TMCC1: variants seen among roughly 807,000 people sequenced by gnomAD.
The protein encoded by TMCC1 is transmembrane and coiled-coil domain family 1.
In TMCC1, 15 loss-of-function variants were observed where a neutral mutation model predicts 52.4. The observed-to-expected ratio is 0.29, with a 90% CI of 0.19 to 0.44. TMCC1 has a LOEUF of 0.44. Ranked by LOEUF, TMCC1 falls within the 20% of genes least tolerant of loss-of-function variation. TMCC1 has a pLI of 1.00. For missense variants in TMCC1, 503 were observed against 806.0 expected, an observed-to-expected ratio of 0.62 and a Z score of 4.55; for synonymous variants, 279 against 301.9, an observed-to-expected ratio of 0.92 and a Z score of 0.79.
At chr3:129,705,640 C>G (rs2048166235) in intron 4 of TMCC1, among the ~76,000 whole-genome samples, 1 of 146,956 alleles carries the variant, frequency 6.8e-6, no homozygotes, top group South Asian at 2.1e-4. Flanking sequence ...GAGTCTTGCT[C>G]CGTCACCCAG....
intron 4 of TMCC1, chr3:129,688,278 C>A: frequency 1.0e-6 from 1 of 970,098 alleles, no homozygotes. Context: ...AAAAAAAAAT[C>A]ACAACCTCTC....
intron 1 of TMCC1, among the ~76,000 whole-genome samples, chr3:129,888,210 T>C (rs765918719): frequency 2.0e-5 from 3 of 152,206 alleles, no homozygotes; most frequent in Non-Finnish European, 4.4e-5. Flanking sequence ...GGAGGTTACA[T>C]ATAAGCAAGG....
intron 1 of TMCC1, among the ~76,000 whole-genome samples, chr3:129,888,690 G>A (rs2061831336): frequency 6.6e-6 from 1 of 152,204 alleles, no homozygotes; most frequent in African/African-American, 2.4e-5. Flanking sequence ...CCTTAAGGAG[G>A]TAGAACATAA....
At chr3:129,771,774 CAAAAA>C (rs755523077) in intron 4 of TMCC1, among the ~76,000 whole-genome samples, 2 of 75,684 alleles carry the variant, frequency 2.6e-5, no homozygotes, top group African/African-American at 3.9e-5. Context: ...GACACTGTCT[CAAAAA>C]AAAAAAAAAA....
At chr3:129,842,477 A>AACACACACACACACAC (rs61106930) in intron 2 of TMCC1, among the ~76,000 whole-genome samples, 1 of 147,650 alleles carries the variant, frequency 6.8e-6, no homozygotes, top group Non-Finnish European at 1.5e-5. Flanking sequence ...AAAAAAACAA[A>AACACACACACACACAC]ACACACACAC....
At chr3:129,824,532 T>C (rs1411484338) in intron 4 of TMCC1, among the ~76,000 whole-genome samples, 2 of 152,156 alleles carry the variant, frequency 1.3e-5, no homozygotes, top group Non-Finnish European at 2.9e-5. Context: ...GGCCAATGAA[T>C]ACATATTTAT....
At chr3:129,735,815 G>A (rs1333845867) in intron 4 of TMCC1, among the ~76,000 whole-genome samples, 3 of 152,180 alleles carry the variant, frequency 2.0e-5, no homozygotes, top group African/African-American at 4.8e-5. Context: ...GAGCTCTCTT[G>A]CTTTCCCCAC....
chr3:129,690,106 G>A (rs1304201248), intron 4 of TMCC1, among the ~76,000 whole-genome samples: 1 of 151,994 alleles, frequency 6.6e-6, no homozygotes, highest in Admixed American at 6.6e-5. Context: ...CAAACAAACC[G>A]CTATTACCAC....
intron 4 of TMCC1, among the ~76,000 whole-genome samples, chr3:129,789,038 A>G (rs1009912786): frequency 2.0e-5 from 3 of 152,216 alleles, no homozygotes; most frequent in Non-Finnish European, 4.4e-5. Context: ...AAGTTTGTCA[A>G]TGTCTAGAGT....
chr3:129,869,254 T>G (rs956252124), intron 2 of TMCC1, among the ~76,000 whole-genome samples: 1 of 152,038 alleles, frequency 6.6e-6, no homozygotes. Context: ...TACATGGAGG[T>G]GCTGGGAGGG....
intron 4 of TMCC1, among the ~76,000 whole-genome samples, chr3:129,735,604 G>GC (rs2050890578): frequency 6.8e-6 from 1 of 146,860 alleles, no homozygotes; most frequent in Non-Finnish European, 1.5e-5. Flanking sequence ...AACTATGATT[G>GC]TGCCACTGCA....
chr3:129,741,660 A>C (rs1420354431), intron 4 of TMCC1, among the ~76,000 whole-genome samples: 2 of 152,178 alleles, frequency 1.3e-5, no homozygotes, highest in African/African-American at 4.8e-5. Context: ...CTCTGCTTTA[A>C]CTGCTTTCTG....
In TMCC1 at chr3:129,778,225, T is replaced by C. The variant is rs369381135; in HGVS notation, c.576+49578A>G. ...GAAATGTTCTAAATGCAAAATACAG[T>C]ATTCACGATTCTAAATATTCATAAT... On this transcript the variant is annotated intron_variant, in intron 4 of 6. Transcript: ENST00000393238. Among the ~76,000 whole-genome samples, 7 of 152,292 alleles carry C rather than the reference T, an allele frequency of 4.6e-5. No homozygotes were observed. The East Asian group carries it at 1.4e-3, about 29-fold the overall frequency.
intron 4 of TMCC1, among the ~76,000 whole-genome samples, chr3:129,816,462 G>A (rs2058101640): frequency 6.6e-6 from 1 of 152,126 alleles, no homozygotes; most frequent in African/African-American, 2.4e-5. Flanking sequence ...AACTCATTTT[G>A]TTAAGTGAAA....
intron 4 of TMCC1, among the ~76,000 whole-genome samples, chr3:129,741,244 C>T (rs2051431008): frequency 1.3e-5 from 2 of 152,148 alleles, no homozygotes; most frequent in African/African-American, 2.4e-5. Context: ...ATACAGCATC[C>T]CTTACATAAT....
intron 4 of TMCC1, among the ~76,000 whole-genome samples, chr3:129,701,973 G>GA (rs2047870448): frequency 1.3e-5 from 2 of 151,858 alleles, no homozygotes; most frequent in East Asian, 3.9e-4. Context: ...TTAAAAAATA[G>GA]AAAAAAATTT....
rs1560363372 is a variant in TMCC1 at position 129,763,562 on chromosome 3, A to AAAAAAG, written c.576+64235_576+64240dup. Among the ~76,000 whole-genome samples the AAAAAAG allele has an allele frequency of 1.2e-4, 17 of 144,318 alleles. No homozygotes were observed. The South Asian group carries it at 1.7e-3, about 15-fold the overall frequency. 94.7% of individuals were successfully genotyped at this position (144,318 alleles called of 152,430 possible). Reference sequence around the variant, plus strand: ...TGTCTCAAAAAAAAAAAAAAAAAAAAAAAAAGAAAAAGAAAAAATTATACT... The same window carrying AAAAAAG: ...TGTCTCAAAAAAAAAAAAAAAAAAAAAAAAAGAAAAAGAAAAAGAAAAAATTATACT... On this transcript the variant is annotated intron_variant, in intron 4 of 6. Coordinates refer to ENST00000393238, the MANE Select transcript of TMCC1 (RefSeq NM_001017395.5).
In TMCC1 at chr3:129,719,302, T is replaced by C. The variant is rs181072872; in HGVS notation, c.577-48038A>G. On this transcript the variant is annotated intron_variant, in intron 4 of 6. Coordinates refer to ENST00000393238, the MANE Select transcript of TMCC1 (RefSeq NM_001017395.5). ...TAGGGAGCTTCTGGATAGCTGAACA[T>C]GTGGAGTTTCCTGGAGGGTGGGGGC... 4.6e-5 allele frequency among the ~76,000 whole-genome samples: 7 copies of C among 152,302 alleles called. No individual in the cohort carries two copies. The East Asian group carries it at 1.2e-3, about 25-fold the overall frequency.
At chr3:129,806,916 G>T (rs1553876676) in intron 4 of TMCC1, among the ~76,000 whole-genome samples, 1 of 150,520 alleles carries the variant, frequency 6.6e-6, no homozygotes, top group Non-Finnish European at 1.5e-5. Flanking sequence ...AAGAACAAAG[G>T]AAAAAAAACC....
Sources: gnomAD v4.1 joint callset for allele counts (sites outside exome capture counted in the v4.1 genomes callset) on GRCh38, gnomAD v4.1.1 for gene constraint, MANE v1.5 for transcripts, NCBI Gene and HGNC (gene_info 2026-07-23, HGNC 2026-07-21) for gene names.